CDH12: variants seen among roughly 807,000 people sequenced by gnomAD.
The protein encoded by CDH12 is cadherin 12.
A neutral mutation model predicts 74.1 loss-of-function variants in CDH12; 41 were observed. The ratio of observed to expected loss-of-function variants is 0.55; its 90% CI spans 0.43 to 0.72. CDH12 has a LOEUF of 0.72. Among genes scored for constraint, CDH12 ranks in the 30% least tolerant of loss-of-function variants. The pLI, the probability that CDH12 is intolerant of heterozygous loss-of-function variation, is 0.00. For missense variants in CDH12, 945 were observed against 977.2 expected, an observed-to-expected ratio of 0.97 and a Z score of 0.44; for synonymous variants, 399 against 355.0, an observed-to-expected ratio of 1.12 and a Z score of -1.39.
Position 22,849,115 on chromosome 5 carries a change from C to T in CDH12, c.-523+3943G>A, listed in dbSNP as rs1737435996. ...ATGTTCCAGCTGTGGCTGTAGTTAT[C>T]CTCTACAAATCTAGCTTAGAGATGA... On this transcript the variant is annotated intron_variant, in intron 1 of 14. Coordinates refer to ENST00000382254, the MANE Select transcript of CDH12 (RefSeq NM_004061.5). Among the ~76,000 whole-genome samples the T allele has an allele frequency of 3.3e-5, 5 of 152,106 alleles. No individual in the cohort carries two copies. The South Asian group carries it at 1.0e-3, about 32-fold the overall frequency.
chr5:22,613,506 G>C (rs1323054931), intron 1 of CDH12, among the ~76,000 whole-genome samples: 2 of 152,010 alleles, frequency 1.3e-5, no homozygotes, highest in Non-Finnish European at 2.9e-5. Context: ...TGATTTATGA[G>C]ACACGACTCT....
intron 6 of CDH12, among the ~76,000 whole-genome samples, chr5:21,972,179 G>A (rs1298472708): frequency 2.6e-5 from 4 of 151,886 alleles, no homozygotes; most frequent in East Asian, 1.9e-4. Flanking sequence ...TCAATGTTCC[G>A]ATATTTCTTC....
chr5:22,013,038 C>CA (rs1737390575), intron 5 of CDH12, among the ~76,000 whole-genome samples: 1 of 150,156 alleles, frequency 6.7e-6, no homozygotes, highest in South Asian at 2.1e-4. Flanking sequence ...CCAGGTGAGT[C>CA]AACCAAATTA....
chr5:21,842,026 A>G, intron 8 of CDH12, 135 bp downstream of exon 8: 1 of 704,250 alleles, frequency 1.4e-6, no homozygotes, highest in South Asian at 2.1e-5. Flanking sequence ...AAAGATTTGT[A>G]ATTTTTAATC....
chr5:22,778,985 C>CTA (rs1410641372), intron 1 of CDH12, among the ~76,000 whole-genome samples: 2 of 151,918 alleles, frequency 1.3e-5, no homozygotes, highest in East Asian at 3.9e-4. Flanking sequence ...TAAAGGCTGT[C>CTA]CAGAATTTCT....
intron 5 of CDH12, among the ~76,000 whole-genome samples, chr5:21,989,520 T>C (rs1327934691): frequency 6.6e-6 from 1 of 152,168 alleles, no homozygotes; most frequent in East Asian, 1.9e-4. Flanking sequence ...TCCCCAACCA[T>C]GAGTCCTCAG....
intron 8 of CDH12, among the ~76,000 whole-genome samples, chr5:21,833,350 ATATATAT>A (rs1415333313): frequency 7.4e-5 from 5 of 67,846 alleles, no homozygotes; most frequent in South Asian, 4.4e-4. Context: ...ATAACATATA[ATATATAT>A]TATATATTAT....
At chr5:22,573,532 G>A (rs1481926077) in intron 1 of CDH12, among the ~76,000 whole-genome samples, 1 of 152,088 alleles carries the variant, frequency 6.6e-6, no homozygotes, top group Non-Finnish European at 1.5e-5. Context: ...GTGGTTAGGG[G>A]GGAGATGGGT....
At chr5:22,508,978 A>T (rs1311447012) in intron 1 of CDH12, among the ~76,000 whole-genome samples, 1 of 152,172 alleles carries the variant, frequency 6.6e-6, no homozygotes, top group Non-Finnish European at 1.5e-5. Context: ...AAATATTTTC[A>T]TTGATAACCA....
rs529182693 is a variant in CDH12 at position 22,406,175 on chromosome 5, C to T, written c.-427-824G>A. ...TATAAAATGCTTTCATAAACATACT[C>T]GCTTTTTAACTTTAATCATTACAAC... is the stretch of plus-strand genomic sequence containing the variant. On this transcript the variant is annotated intron_variant, in intron 2 of 14. Coordinates refer to ENST00000382254, the MANE Select transcript of CDH12 (RefSeq NM_004061.5). Among the ~76,000 whole-genome samples, 93 of 152,194 alleles carry T rather than the reference C, an allele frequency of 6.1e-4. 5 individuals are homozygous for T. The South Asian group carries it at 0.018, about 29-fold the overall frequency.
At chr5:22,084,939 T>C (rs147365375) in intron 4 of CDH12, among the ~76,000 whole-genome samples, 251 of 152,300 alleles carry the variant, frequency 1.6e-3, no homozygotes, top group Non-Finnish European at 3.1e-3. Context: ...AACAGAAAGC[T>C]TATTCTGGGA....
chr5:22,550,767 C>A (rs528767317), intron 1 of CDH12, among the ~76,000 whole-genome samples: 1 of 152,158 alleles, frequency 6.6e-6, no homozygotes, highest in Non-Finnish European at 1.5e-5. Context: ...TATTTGTTGT[C>A]TTTCCTTTGC....
At chr5:22,438,766 T>C (rs1016455325) in intron 2 of CDH12, among the ~76,000 whole-genome samples, 4 of 151,920 alleles carry the variant, frequency 2.6e-5, no homozygotes, top group African/African-American at 9.7e-5. Flanking sequence ...AGGCCTCTCA[T>C]AAAACTTGAA....
chr5:22,605,938 G>A (rs980276266), intron 1 of CDH12, among the ~76,000 whole-genome samples: 1 of 152,208 alleles, frequency 6.6e-6, no homozygotes, highest in Admixed American at 6.5e-5. Flanking sequence ...TGACCTGCAA[G>A]AGCAGCATCT....
chr5:22,844,876 G>A lies in CDH12; in HGVS notation c.-523+8182C>T, dbSNP rs192868272. On this transcript the variant is annotated intron_variant, in intron 1 of 14. Coordinates refer to ENST00000382254, the MANE Select transcript of CDH12 (RefSeq NM_004061.5). The stretch of plus-strand genomic sequence containing the variant: ...AAATCTCGGAGGGCTTTAAGATTAA[G>A]TCATTTAATTGCTACTTTAGGAGCT... Among the ~76,000 whole-genome samples, 228 of 152,224 alleles carry A rather than the reference G, an allele frequency of 1.5e-3. 3 individuals carry two copies. The highest frequency in any genetic ancestry group is 3.4e-4 in the Non-Finnish European group (23 of 67,988).
At chr5:21,822,190 T>G (rs942411523) in intron 8 of CDH12, among the ~76,000 whole-genome samples, 3 of 141,076 alleles carry the variant, frequency 2.1e-5, no homozygotes, top group African/African-American at 7.5e-5. Context: ...ATGAAACTCA[T>G]TCAGTATTAT....
intron 1 of CDH12, among the ~76,000 whole-genome samples, chr5:22,705,762 T>C (rs983669133): frequency 6.6e-6 from 1 of 152,014 alleles, no homozygotes; most frequent in South Asian, 2.1e-4. Context: ...TATAATACAA[T>C]GAAAAAAAGC....
chr5:22,705,283 A>G (rs1742944033), intron 1 of CDH12, among the ~76,000 whole-genome samples: 1 of 151,926 alleles, frequency 6.6e-6, no homozygotes, highest in African/African-American at 2.4e-5. Context: ...GCTCAGGACT[A>G]CAGAGTCAAT....
rs894166301 is a variant in CDH12 at position 22,707,452 on chromosome 5, G to T, written c.-523+145606C>A. On this transcript the variant is annotated intron_variant, in intron 1 of 14. Coordinates refer to ENST00000382254, the MANE Select transcript of CDH12 (RefSeq NM_004061.5). ...CATGTTTTAGTCAGGAATGTCTACT[G>T]ACTTTCATCTAAAGTGTATGCAGTA... Among the ~76,000 whole-genome samples, 4 of 152,084 alleles carry T rather than the reference G, an allele frequency of 2.6e-5. No individual in the cohort carries two copies. The East Asian group carries it at 7.7e-4, about 29-fold the overall frequency.
Sources: allele counts gnomAD v4.1 joint callset (sites outside exome capture counted in the v4.1 genomes callset), GRCh38; gene constraint gnomAD v4.1.1; transcripts MANE v1.5; gene names NCBI Gene and HGNC (gene_info 2026-07-23, HGNC 2026-07-21).